Variants in ANKS1B observed in about 807,000 individuals in gnomAD.
ANKS1B encodes the protein ankyrin repeat and sterile alpha motif domain containing 1B.
Under a neutral mutation model 148.3 loss-of-function variants are expected in ANKS1B, and 36 were observed. The observed-to-expected ratio is 0.24, with a 90% CI of 0.19 to 0.32. The LOEUF (loss-of-function observed/expected upper bound fraction) is 0.32, where lower values mean the gene tolerates loss of function less well. ANKS1B is among the 10% of genes least tolerant of loss of function. The probability of loss-of-function intolerance (pLI) is 1.00; values close to 1 mark genes in which losing one functional copy is unlikely to be tolerated. For synonymous variants in ANKS1B, 542 were observed against 560.8 expected, an observed-to-expected ratio of 0.97 and a Z score of 0.47; for missense variants, 1,157 against 1,542.6, an observed-to-expected ratio of 0.75 and a Z score of 4.19.
intron 14 of ANKS1B, among the ~76,000 whole-genome samples, chr12:99,193,243 AG>A (rs78030603): frequency 0.12 from 18,191 of 152,200 alleles, 1,308 homozygotes; most frequent in South Asian, 0.24. Flanking sequence ...CTGCAGAAGC[AG>A]GAAGGTTGCT....
At chr12:99,782,537 TG>T (rs1160973842) in intron 4 of ANKS1B, among the ~76,000 whole-genome samples, 1 of 152,132 alleles carries the variant, frequency 6.6e-6, no homozygotes, top group African/African-American at 2.4e-5. Flanking sequence ...CCAACCTGGG[TG>T]ACAGAGTGGG....
At chr12:99,563,884 T>C (rs1465940265) in intron 9 of ANKS1B, among the ~76,000 whole-genome samples, 4 of 152,200 alleles carry the variant, frequency 2.6e-5, no homozygotes, top group African/African-American at 4.8e-5. Context: ...TACTATTGCA[T>C]GCACTTTAAA....
chr12:99,371,336 T>C (rs562027664), intron 12 of ANKS1B, among the ~76,000 whole-genome samples: 2 of 152,226 alleles, frequency 1.3e-5, no homozygotes, highest in African/African-American at 2.4e-5. Flanking sequence ...AGCCCTAAAC[T>C]CTTGGTGATA....
At chr12:99,736,750 G>GGA (rs1207613052) in intron 8 of ANKS1B, among the ~76,000 whole-genome samples, 1 of 152,038 alleles carries the variant, frequency 6.6e-6, no homozygotes, top group African/African-American at 2.4e-5. Context: ...TCAACAGAGT[G>GGA]GAGAGACAAC....
At chr12:99,946,459 C>T (rs2095064371) in intron 1 of ANKS1B, among the ~76,000 whole-genome samples, 2 of 152,136 alleles carry the variant, frequency 1.3e-5, no homozygotes, top group Admixed American at 1.3e-4. Flanking sequence ...AGAAAGAGAG[C>T]AAGCTCTCTG....
intron 1 of ANKS1B, among the ~76,000 whole-genome samples, chr12:99,858,646 T>A (rs1938669613): frequency 6.6e-6 from 1 of 151,996 alleles, no homozygotes; most frequent in Non-Finnish European, 1.5e-5. Flanking sequence ...AGTCAACAAG[T>A]GGATAAAGAA....
chr12:98,903,272 G>C (rs540441167), intron 17 of ANKS1B, among the ~76,000 whole-genome samples: 3 of 151,888 alleles, frequency 2.0e-5, no homozygotes, highest in African/African-American at 4.8e-5. Flanking sequence ...TTGTTACTGG[G>C]GACCCAACTC....
chr12:99,277,785 A>C (rs763596803), intron 12 of ANKS1B, among the ~76,000 whole-genome samples: 5 of 152,212 alleles, frequency 3.3e-5, no homozygotes, highest in Non-Finnish European at 5.9e-5. Context: ...GTTCTTGATC[A>C]CTGTAAGGTT....
At chr12:99,010,914 T>C (rs2099939016) in intron 17 of ANKS1B, among the ~76,000 whole-genome samples, 1 of 149,908 alleles carries the variant, frequency 6.7e-6, no homozygotes, top group Non-Finnish European at 1.5e-5. Context: ...TTTTTTTTTT[T>C]TTTTTTTTAA....
At chr12:98,935,380 T>C (rs1264785466) in intron 17 of ANKS1B, among the ~76,000 whole-genome samples, 1 of 152,220 alleles carries the variant, frequency 6.6e-6, no homozygotes, top group Non-Finnish European at 1.5e-5. Flanking sequence ...CTTTCTAGTA[T>C]TTTGTTGAAG....
intron 8 of ANKS1B, among the ~76,000 whole-genome samples, chr12:99,722,292 G>A (rs1002300629): frequency 3.9e-5 from 6 of 152,208 alleles, no homozygotes; most frequent in Non-Finnish European, 8.8e-5. Context: ...AACCAGAGAG[G>A]AGAAGTCAAC....
chr12:99,517,088 T>G (rs1213310470), intron 9 of ANKS1B, among the ~76,000 whole-genome samples: 1 of 152,188 alleles, frequency 6.6e-6, no homozygotes, highest in Non-Finnish European at 1.5e-5. Context: ...GCATTAAATC[T>G]GTACATTGCT....
chr12:99,110,775 T>TA (rs1038765078), intron 15 of ANKS1B, among the ~76,000 whole-genome samples: 1 of 127,864 alleles, frequency 7.8e-6, no homozygotes, highest in African/African-American at 4.4e-5. Flanking sequence ...GAATTTGTAC[T>TA]TTTTTTTGTT....
chr12:99,914,150 C>G (rs1453212433), intron 1 of ANKS1B, among the ~76,000 whole-genome samples: 2 of 152,302 alleles, frequency 1.3e-5, no homozygotes, highest in East Asian at 3.9e-4. Context: ...ACACCAGGGT[C>G]TGCTTTTGGG....
At chr12:99,296,211 C>T (rs2080852986) in intron 12 of ANKS1B, among the ~76,000 whole-genome samples, 1 of 151,984 alleles carries the variant, frequency 6.6e-6, no homozygotes, top group African/African-American at 2.4e-5. Flanking sequence ...ACATTGATAC[C>T]ACATGGTCTT....
chr12:99,075,147 T>C (rs904019777), intron 16 of ANKS1B, among the ~76,000 whole-genome samples: 8 of 152,210 alleles, frequency 5.3e-5, no homozygotes, highest in African/African-American at 1.9e-4. Context: ...CACATATTCC[T>C]AGGAAGAGAG....
chr12:99,080,762 G>A (rs1012228743), intron 16 of ANKS1B, among the ~76,000 whole-genome samples: 3 of 152,180 alleles, frequency 2.0e-5, no homozygotes, highest in African/African-American at 4.8e-5. Flanking sequence ...TAAGTTTTAT[G>A]TTGAAAATAA....
At chr12:99,919,065 A>AT (rs1024231977) in intron 1 of ANKS1B, among the ~76,000 whole-genome samples, 84 of 152,344 alleles carry the variant, frequency 5.5e-4, no homozygotes, top group African/African-American at 2.0e-3. Context: ...AATCCTTATC[A>AT]TTTAGCATCA....
At chr12:98,932,924 T>A (rs1335849608) in intron 17 of ANKS1B, among the ~76,000 whole-genome samples, 1 of 152,238 alleles carries the variant, frequency 6.6e-6, no homozygotes, top group Non-Finnish European at 1.5e-5. Flanking sequence ...ATTTAAAAAT[T>A]ATTTGTATAA....
Sources: allele counts gnomAD v4.1 joint callset (sites outside exome capture counted in the v4.1 genomes callset), GRCh38; gene constraint gnomAD v4.1.1; transcripts MANE v1.5; gene names NCBI Gene and HGNC (gene_info 2026-07-23, HGNC 2026-07-21).